FAM161B: variants seen among roughly 807,000 people sequenced by gnomAD.
FAM161B encodes protein FAM161B.
In FAM161B, 46 loss-of-function variants were observed where a neutral mutation model predicts 61.5. The ratio of observed to expected loss-of-function variants is 0.75; its 90% CI spans 0.59 to 0.96. The LOEUF (loss-of-function observed/expected upper bound fraction) is 0.96. Ranked by LOEUF, FAM161B falls within the 40% of genes least tolerant of loss-of-function variation. The pLI is 0.00. For missense variants in FAM161B, 774 were observed against 800.7 expected, an observed-to-expected ratio of 0.97 and a Z score of 0.40; for synonymous variants, 284 against 302.7, an observed-to-expected ratio of 0.94 and a Z score of 0.64.
downstream of FAM161B, among the ~76,000 whole-genome samples, chr14:73,926,752 G>T (rs1049054211): frequency 3.3e-5 from 5 of 151,820 alleles, no homozygotes; most frequent in Admixed American, 2.0e-4. Flanking sequence ...GGGAGTTTTT[G>T]TCCTAAAGAT....
At chr14:73,949,944 C>CCTTTCCTCT in intron 1 of FAM161B, 29 bp downstream of exon 1, 1 of 1,612,306 alleles carries the variant, frequency 6.2e-7, no homozygotes, top group Non-Finnish European at 8.5e-7. Context: ...GGATTCCTTT[C>CCTTTCCTCT]CCGGGGGCAG....
intron 6 of FAM161B, 66 bp from the exon 7 acceptor site, chr14:73,937,767 G>A (rs1302446779): frequency 1.0e-5 from 16 of 1,571,320 alleles, no homozygotes; most frequent in Non-Finnish European, 1.4e-5. Flanking sequence ...TTCATTTCCA[G>A]TAAAGCAGTG....
chr14:73,925,440 T>C, the FAM161B span, among the ~76,000 whole-genome samples: 1 of 152,088 alleles, frequency 6.6e-6, no homozygotes, highest in African/African-American at 2.4e-5. Flanking sequence ...TGACTTTTTT[T>C]TTTTTTTGAG....
intron 4 of FAM161B, among the ~76,000 whole-genome samples, chr14:73,941,957 C>T (rs947755717): frequency 6.6e-6 from 1 of 152,216 alleles, no homozygotes; most frequent in African/African-American, 2.4e-5. Flanking sequence ...CTGCCCTCCT[C>T]GGCCTCTCAA....
the FAM161B span, among the ~76,000 whole-genome samples, chr14:73,925,429 T>C: frequency 6.7e-6 from 1 of 150,078 alleles, no homozygotes; most frequent in African/African-American, 2.4e-5. Flanking sequence ...TCTCCTAACT[T>C]TGACTTTTTT....
At chr14:73,935,608 AAAAC>A (rs1231768372) in intron 8 of FAM161B, among the ~76,000 whole-genome samples, 1 of 152,234 alleles carries the variant, frequency 6.6e-6, no homozygotes, top group Admixed American at 6.5e-5. Context: ...GAATGCTAGA[AAAAC>A]AGTTTTATAG....
the FAM161B span, among the ~76,000 whole-genome samples, chr14:73,925,235 T>C: frequency 6.6e-6 from 1 of 152,260 alleles, no homozygotes; most frequent in South Asian, 2.1e-4. Context: ...TGGTAACTGC[T>C]TTGGAATGAA....
In FAM161B at chr14:73,938,044, G is replaced by C; in HGVS notation, c.1469C>G (p.Ser490Cys). 1.9e-6 allele frequency: 3 copies of C among 1,614,090 alleles called. No individual in the cohort carries two copies. Among genetic ancestry groups the C allele is most frequent in the South Asian group, 2.2e-5 (2 of 91,080 alleles). Residue 490 changes from serine to cysteine, a missense_variant, in exon 6 of 9, where the codon TCT becomes TGT. Coordinates refer to ENST00000286544, the MANE Select transcript of FAM161B (RefSeq NM_152445.3). The part of the protein sequence containing the change: ...IQWLEIHKKK[S>C]QAMSKSVTLR... ...GGTCACAGATTTGGACATTGCTTGA[G>C]ACTTCTTTTTGTGTATCTCCAGCCA...
At chr14:73,940,416 A>G (rs2056007814) in intron 5 of FAM161B, among the ~76,000 whole-genome samples, 1 of 150,852 alleles carries the variant, frequency 6.6e-6, no homozygotes, top group African/African-American at 2.4e-5. Flanking sequence ...GTTCCTCACT[A>G]CTCCCTTCCT....
At chr14:73,931,394 ACCC>A (rs1326297275), downstream of FAM161B, 4 of 894,526 alleles carry the variant, frequency 4.5e-6, no homozygotes, top group African/African-American at 6.9e-5. Flanking sequence ...GCCTTCATTC[ACCC>A]CTGTAGTGCA....
In FAM161B at chr14:73,944,533, C is replaced by A. The variant is rs374871314; in HGVS notation, c.727G>T (p.Ala243Ser). The A allele has an allele frequency of 3.6e-5, 58 of 1,614,046 alleles. No homozygotes were observed. The highest frequency in any genetic ancestry group is 1.0e-4 in the Admixed American group (6 of 60,000). Reference protein sequence around the residue: ...IMERSEARRQAGIQKRKELLL... With the variant: ...IMERSEARRQSGIQKRKELLL... ...AGTTCCTTCCTCTTCTGGATCCCTG[C>A]CTGCCTTCGGGCCTCGCTGCGCTCC... Residue 243 changes from alanine to serine, a missense_variant, in exon 3 of 9, where the codon GCA (alanine) becomes TCA (serine). Physicochemically the swap from Ala to Ser is moderately conservative, Grantham distance 99 (BLOSUM62 1). Coordinates refer to ENST00000286544, the MANE Select transcript of FAM161B (RefSeq NM_152445.3).
Position 73,944,510 on chromosome 14 carries a change from T to C in FAM161B, c.750A>G (p.Glu250=). ...RRQAGIQKRK[E]LLLSSLKPFS... is the part of the protein sequence containing the mutation. ...AGGGCTTCAAAGAAGAGAGGAGCAGTTCCTTCCTCTTCTGGATCCCTGCCT... is the reference window on the plus strand; with the variant it reads ...AGGGCTTCAAAGAAGAGAGGAGCAGCTCCTTCCTCTTCTGGATCCCTGCCT... The change falls in exon 3 of 9, where the codon GAA becomes GAG. Residue 250 remains glutamate (E), a synonymous_variant. Coordinates refer to ENST00000286544, the MANE Select transcript of FAM161B (RefSeq NM_152445.3). 2 of 1,614,110 alleles carry C rather than the reference T, an allele frequency of 1.2e-6. No individual in the cohort carries two copies. Among genetic ancestry groups the C allele is most frequent in the Non-Finnish European group, 1.7e-6 (2 of 1,180,004 alleles).
At position 73,941,019 on chromosome 14, in the gene FAM161B, C is replaced by A; in HGVS notation, c.1307G>T (p.Arg436Met). 1 of 1,613,156 alleles carries A rather than the reference C, an allele frequency of 6.2e-7. No homozygotes were observed. The highest frequency in any genetic ancestry group is 8.5e-7 in the Non-Finnish European group (1 of 1,179,564). ...SPQPPATPLP[R>M]SRSLSGLASL... The stretch of plus-strand genomic sequence containing the variant: ...AGCAAGGCCGCTCAGAGAACGACTC[C>A]TTGGCAGGGGTGTAGCTGGTGGCTG... Residue 436 changes from arginine to methionine, a missense_variant, in exon 5 of 9, where the codon AGG becomes ATG. Arg to Met is a moderately conservative substitution (Grantham distance 91). Transcript: ENST00000286544.
intron 4 of FAM161B, among the ~76,000 whole-genome samples, 185 bp from the exon 5 acceptor site, chr14:73,941,238 C>T (rs1489059811): frequency 6.6e-6 from 1 of 151,808 alleles, no homozygotes; most frequent in African/African-American, 2.4e-5. Context: ...CTGCCTCAGC[C>T]TCCCACGTAG....
At chr14:73,941,559 G>A (rs1261225527) in intron 4 of FAM161B, among the ~76,000 whole-genome samples, 1 of 152,176 alleles carries the variant, frequency 6.6e-6, no homozygotes. Flanking sequence ...CAATCCTAAA[G>A]TTTTTAGTCA....
chr14:73,937,683 T>A lies in FAM161B; in HGVS notation c.1584A>T (p.Arg528Ser). ...CCAGTTCTTTCTTATATTCTTTCGC[T>A]CTTTTACGGTCATTGTTCCTGGAAT... ...LKENRNNDRK[R>S]AKEYKKELEE... Residue 528 changes from arginine to serine, a missense_variant, in exon 7 of 9, where the codon AGA (arginine) becomes AGT (serine). Arg to Ser is a moderately radical substitution (Grantham distance 110). Coordinates refer to ENST00000286544, the MANE Select transcript of FAM161B (RefSeq NM_152445.3). 6.2e-7 allele frequency: 1 copy of A among 1,614,104 alleles called. No homozygotes were observed. Among genetic ancestry groups the A allele is most frequent in the South Asian group, 1.1e-5 (1 of 91,062 alleles).
Position 73,940,937 on chromosome 14 carries a change from T to A in FAM161B, c.1389A>T (p.Glu463Asp), listed in dbSNP as rs752547544. 1 of 1,609,622 alleles carries A rather than the reference T, an allele frequency of 6.2e-7. No individual in the cohort carries two copies. The highest frequency in any genetic ancestry group is 2.2e-5 in the East Asian group (1 of 44,680). Residue 463 changes from glutamate (E) to aspartate (D), a missense_variant, in exon 5 of 9, where the codon GAA (glutamate) becomes GAT (aspartate). Transcript: ENST00000286544. ...GCCTGACCACTCACCTGACTGCAGA[T>A]TCCCTCTTCCTGGTGGCATCTGTGA... The part of the protein sequence containing the change: ...VHITDATRKR[E>D]SAVRSALEKK...
chr14:73,924,546 G>C, the FAM161B span, among the ~76,000 whole-genome samples: 3 of 152,224 alleles, frequency 2.0e-5, no homozygotes, highest in Non-Finnish European at 4.4e-5. Context: ...CACTGGTCTT[G>C]TGTCATGGGA....
In FAM161B at chr14:73,941,008, G is replaced by A. The variant is rs748742144; in HGVS notation, c.1318C>T (p.Leu440=). Residue 440 remains leucine, a synonymous_variant, in exon 5 of 9, where the codon CTG becomes TTG. Coordinates refer to ENST00000286544, the MANE Select transcript of FAM161B (RefSeq NM_152445.3). ...PATPLPRSRS[L]SGLASLSANT... ...GCAGAGAGGGAAGCAAGGCCGCTCAGAGAACGACTCCTTGGCAGGGGTGTA... is the reference window on the plus strand; with the variant it reads ...GCAGAGAGGGAAGCAAGGCCGCTCAAAGAACGACTCCTTGGCAGGGGTGTA... 2.5e-6 allele frequency: 4 copies of A among 1,609,188 alleles called. No homozygotes were observed. Among genetic ancestry groups the A allele is most frequent in the Admixed American group, 3.3e-5 (2 of 59,854 alleles).
Sources: gnomAD v4.1 joint callset for allele counts (sites outside exome capture counted in the v4.1 genomes callset) on GRCh38, gnomAD v4.1.1 for gene constraint, MANE v1.5 for transcripts, NCBI Gene and HGNC (gene_info 2026-07-23, HGNC 2026-07-21) for gene names.